SIM2: variants seen among roughly 807,000 people sequenced by gnomAD.
SIM2 encodes single-minded homolog 2.
Under a neutral mutation model 64.8 loss-of-function variants are expected in SIM2, and 28 were observed. The ratio of observed to expected loss-of-function variants is 0.43; its 90% CI spans 0.32 to 0.59. SIM2 has a LOEUF of 0.59. Among genes scored for constraint, SIM2 ranks in the 20% least tolerant of loss-of-function variants. The pLI is 0.07. For synonymous variants in SIM2, 408 were observed against 391.1 expected (o/e 1.04, Z -0.51); for missense variants, 847 against 871.4 (o/e 0.97, Z 0.35).
Position 36,747,249 on chromosome 21 carries a change from C to A in SIM2, c.1577-416C>A, listed in dbSNP as rs527259688. Among the ~76,000 whole-genome samples, 2 of 152,118 alleles carry A rather than the reference C, an allele frequency of 1.3e-5. No homozygotes were observed. The highest frequency in any genetic ancestry group is 1.3e-4 in the Admixed American group (2 of 15,284). On this transcript the variant is annotated intron_variant, in intron 10 of 10. Transcript: ENST00000290399. The surrounding 1 kb of genome is among the most constrained non-coding windows in gnomAD (Gnocchi z 4.5). ...CTGGTGGCCTCTAGACCTCTGCCGT[C>A]CAATCAGGTAGCCACCAACCCCGTG...
chr21:36,746,393 G>A (rs2089227827), intron 10 of SIM2: 1 of 152,704 alleles, frequency 6.5e-6, no homozygotes, highest in Admixed American at 6.5e-5. Context: ...GACAGCTCTT[G>A]GAAGTTCCTC....
chr21:36,725,400 T>C (rs1203844799), intron 5 of SIM2, among the ~76,000 whole-genome samples: 1 of 152,174 alleles, frequency 6.6e-6, no homozygotes, highest in Admixed American at 6.5e-5. Flanking sequence ...TGTCGAGTGA[T>C]ACAGATGCCA....
chr21:36,722,603 G>A (rs2088837323), intron 4 of SIM2, among the ~76,000 whole-genome samples: 1 of 151,972 alleles, frequency 6.6e-6, no homozygotes, highest in Admixed American at 6.5e-5. Context: ...GAAGGGCAGA[G>A]CCCTGGAGAG....
chr21:36,746,077 A>T, intron 10 of SIM2: 3 of 917,580 alleles, frequency 3.3e-6, no homozygotes, highest in Non-Finnish European at 4.1e-6. Context: ...GCACTTTGGG[A>T]GGCCAAGGTG....
Position 36,748,019 on chromosome 21 carries a change from C to T in SIM2, c.1931C>T (p.Ala644Val). 1 of 1,166,432 alleles carries T rather than the reference C, an allele frequency of 8.6e-7. No homozygotes were observed. Among genetic ancestry groups the T allele is most frequent in the Non-Finnish European group, 1.1e-6 (1 of 947,010 alleles). 72.3% of individuals were successfully genotyped at this position (1,166,432 alleles called of 1,614,324 possible). ...CTGCGGCTCCGGCACCCGAGCCCCG[C>T]CGCCACCTCCCCGCCCGGCGCGCCC... ...GALRLRHPSP[A>V]ATSPPGAPLP... Residue 644 changes from alanine to valine, a missense_variant, in exon 11 of 11, where the codon GCC becomes GTC. Transcript: ENST00000290399.
intron 2 of SIM2, 24 bp from the exon 3 acceptor site, chr21:36,712,509 A>G: frequency 6.6e-7 from 1 of 1,514,486 alleles, no homozygotes; most frequent in Non-Finnish European, 9.2e-7. Context: ...ATCATCTCTT[A>G]TTCTGACACT....
chr21:36,720,064 T>A, intron 4 of SIM2, 135 bp downstream of exon 4: 1 of 644,150 alleles, frequency 1.6e-6, no homozygotes, highest in South Asian at 1.7e-5. Context: ...GTCTCTCCAA[T>A]ACACACACAG....
rs979409339 is a variant in SIM2 at position 36,747,512 on chromosome 21, G to A, written c.1577-153G>A. ...TCAGGTCGCGTCCTGAGATTGGACAGCACGGCCTAGACTAAGGCGGGGGAG... is the reference window on the plus strand; with the variant it reads ...TCAGGTCGCGTCCTGAGATTGGACAACACGGCCTAGACTAAGGCGGGGGAG... On this transcript the variant is annotated intron_variant, in intron 10 of 10. Coordinates refer to ENST00000290399, the MANE Select transcript of SIM2 (RefSeq NM_005069.6). This position sits in a 1 kb window ranked among gnomAD's most constrained non-coding sequence, Gnocchi z 4.5. Among the ~76,000 whole-genome samples the A allele has an allele frequency of 1.3e-5, 2 of 151,230 alleles. No individual in the cohort carries two copies.
chr21:36,744,495 T>C (rs763046548), intron 9 of SIM2, among the ~76,000 whole-genome samples: 7 of 152,004 alleles, frequency 4.6e-5, no homozygotes, highest in African/African-American at 1.4e-4. Context: ...AAAGAGTCCA[T>C]GTGTGCCTGA....
Position 36,748,003 on chromosome 21 carries a change from C to G in SIM2, c.1915C>G (p.Arg639Gly). The G allele has an allele frequency of 8.9e-7, 1 of 1,121,152 alleles. No homozygotes were observed. The highest frequency in any genetic ancestry group is 1.1e-6 in the Non-Finnish European group (1 of 918,468). The allele number at this position is 1,121,152 out of a possible 1,614,324, so 69.5% of individuals were successfully genotyped here. The change falls in exon 11 of 11, where the codon CGG becomes GGG. Residue 639 changes from arginine (R) to glycine (G), a missense_variant. This residue lies in a region of SIM2 where 447 missense variants were observed against 414.6 expected (regional missense o/e 1.08). Transcript: ENST00000290399. ...GGCGGCGACCGGCGCGCTGCGGCTC[C>G]GGCACCCGAGCCCCGCCGCCACCTC... ...PEAATGALRL[R>G]HPSPAATSPP...
chr21:36,706,361 C>T (rs1404235525), intron 1 of SIM2, among the ~76,000 whole-genome samples: 1 of 152,144 alleles, frequency 6.6e-6, no homozygotes. Context: ...GAGCTCCCCT[C>T]CCCCCAGCCG....
chr21:36,730,388 G>A (rs1349263178), intron 6 of SIM2, among the ~76,000 whole-genome samples: 2 of 152,232 alleles, frequency 1.3e-5, no homozygotes, highest in African/African-American at 4.8e-5. Context: ...AAGGCCACAT[G>A]GTGTGCCATT....
chr21:36,747,076 C>T lies in SIM2; in HGVS notation c.1577-589C>T, dbSNP rs1385481738. On this transcript the variant is annotated intron_variant, in intron 10 of 10. Coordinates refer to ENST00000290399, the MANE Select transcript of SIM2 (RefSeq NM_005069.6). This position sits in a 1 kb window ranked among gnomAD's most constrained non-coding sequence, Gnocchi z 4.5. The stretch of plus-strand genomic sequence containing the variant: ...AAAAAACCCACAAGCCAGGGAGCTA[C>T]TTAATGTCAGGCATCGGACTGAGTA... Among the ~76,000 whole-genome samples the T allele has an allele frequency of 6.7e-6, 1 of 148,562 alleles. No individual in the cohort carries two copies. The highest frequency in any genetic ancestry group is 1.5e-5 in the Non-Finnish European group (1 of 67,348).
chr21:36,721,112 C>T (rs983902591), intron 4 of SIM2, among the ~76,000 whole-genome samples: 7 of 152,254 alleles, frequency 4.6e-5, no homozygotes, highest in African/African-American at 1.7e-4. Context: ...TTCTGTGGCC[C>T]GCAAGTTCCA....
chr21:36,743,670 G>C, intron 9 of SIM2, 115 bp downstream of exon 9: 1 of 1,016,576 alleles, frequency 9.8e-7, no homozygotes, highest in Non-Finnish European at 1.4e-6. Context: ...TCTCCCTGCC[G>C]TGGAGCAAGG....
intron 2 of SIM2, among the ~76,000 whole-genome samples, chr21:36,710,839 C>G (rs1405507570): frequency 1.3e-5 from 2 of 152,188 alleles, no homozygotes; most frequent in Non-Finnish European, 2.9e-5. Context: ...CTCTGGGAGC[C>G]CTGCCCAGGC....
chr21:36,730,391 G>A (rs888424850), intron 6 of SIM2, among the ~76,000 whole-genome samples: 4 of 152,230 alleles, frequency 2.6e-5, no homozygotes, highest in African/African-American at 9.6e-5. Flanking sequence ...GCCACATGGT[G>A]TGCCATTGCA....
chr21:36,743,585 G>T (rs767930388), intron 9 of SIM2, 30 bp downstream of exon 9: 1 of 1,604,288 alleles, frequency 6.2e-7, no homozygotes, highest in Non-Finnish European at 8.5e-7. Context: ...GTTTTGGGGT[G>T]CTGACATCTA....
In SIM2 at chr21:36,745,738, C is replaced by A. The variant is rs934439841; in HGVS notation, c.1576+602C>A. On this transcript the variant is annotated intron_variant, in intron 10 of 10. Transcript: ENST00000290399. This position sits in a 1 kb window ranked among gnomAD's most constrained non-coding sequence, Gnocchi z 4.8. Reference sequence around the variant, plus strand: ...GGACACGACACACAGTAGGGACCTGCCCTGTACATGCTAGTTCAACAGAAA... The same window carrying A: ...GGACACGACACACAGTAGGGACCTGACCTGTACATGCTAGTTCAACAGAAA... 139 of 1,294,124 alleles carry A rather than the reference C, an allele frequency of 1.1e-4. No individual in the cohort carries two copies. The highest frequency in any genetic ancestry group is 2.3e-4 in the Admixed American group (10 of 43,402). 80.2% of individuals were successfully genotyped at this position (1,294,124 alleles called of 1,614,324 possible).
Sources: allele counts gnomAD v4.1 joint callset (sites outside exome capture counted in the v4.1 genomes callset), GRCh38; gene constraint gnomAD v4.1.1; regional missense constraint gnomAD v4.1.1; non-coding constraint Gnocchi (gnomAD v3.1); transcripts MANE v1.5; gene names NCBI Gene and HGNC (gene_info 2026-07-23, HGNC 2026-07-21).